PMFBP1: variants seen among roughly 807,000 people sequenced by gnomAD.
PMFBP1 encodes polyamine modulated factor 1 binding protein 1.
PMFBP1 carries 131 observed loss-of-function variants against 137.8 expected under a neutral mutation model. The observed-to-expected ratio is 0.95, with a 90% confidence interval of 0.82 to 1.10. PMFBP1 has a LOEUF of 1.10. Among genes scored for constraint, PMFBP1 ranks in the 50% least tolerant of loss-of-function variants. The pLI is 0.00. For missense variants in PMFBP1, 1,199 were observed against 1,175.4 expected, an observed-to-expected ratio of 1.02 and a Z score of -0.29; for synonymous variants, 490 against 450.4, an observed-to-expected ratio of 1.09 and a Z score of -1.11.
At chr16:72,197,260 T>C in the PMFBP1 span, among the ~76,000 whole-genome samples, 1 of 152,136 alleles carries the variant, frequency 6.6e-6, no homozygotes, top group African/African-American at 2.4e-5. Context: ...AAGCTTCTGA[T>C]AGAGAAAGCA....
rs546545088 is a variant in PMFBP1 at position 72,122,902 on chromosome 16, A to C, written c.2768+12T>G. The C allele has an allele frequency of 3.1e-6, 5 of 1,611,502 alleles. No individual in the cohort carries two copies. The highest frequency in any genetic ancestry group is 4.2e-6 in the Non-Finnish European group (5 of 1,178,834). On this transcript the variant is annotated intron_variant, in intron 19 of 20. Coordinates refer to ENST00000237353, the MANE Select transcript of PMFBP1 (RefSeq NM_031293.3). ...TCCCAGGAAGCAGCCAGGGTGGTTT[A>C]AGATGACTTACTCCTTTTCGCCACT...
chr16:72,156,074 C>T (rs908750262), intron 3 of PMFBP1, among the ~76,000 whole-genome samples: 1 of 152,152 alleles, frequency 6.6e-6, no homozygotes. Flanking sequence ...GCAACCTCCA[C>T]CTCCCCGGTT....
chr16:72,125,502 C>T (rs1457437147), intron 15 of PMFBP1, 97 bp from the exon 16 acceptor site: 1 of 1,366,036 alleles, frequency 7.3e-7, no homozygotes, highest in East Asian at 2.3e-5. Context: ...TTCCTGTCCT[C>T]TGCCCAGGGT....
chr16:72,220,274 C>T, the PMFBP1 span, among the ~76,000 whole-genome samples: 4 of 152,138 alleles, frequency 2.6e-5, no homozygotes, highest in African/African-American at 9.7e-5. Context: ...TGAGAATTAG[C>T]TTAGATGCCC....
intron 2 of PMFBP1, among the ~76,000 whole-genome samples, chr16:72,165,418 C>CTT (rs111960622): frequency 5.6e-5 from 8 of 143,882 alleles, no homozygotes; most frequent in Non-Finnish European, 1.2e-4. Flanking sequence ...TTCTTTCTTT[C>CTT]TTTTTTTTTT....
At chr16:72,249,353 C>T in the PMFBP1 span, among the ~76,000 whole-genome samples, 2 of 150,634 alleles carry the variant, frequency 1.3e-5, no homozygotes, top group African/African-American at 2.4e-5. Context: ...ACTATGGATC[C>T]ATTCCCCAAA....
chr16:72,132,994 GA>G lies in PMFBP1; in HGVS notation c.1204-4del, dbSNP rs1224939507. 1 of 1,613,770 alleles carries G rather than the reference GA, an allele frequency of 6.2e-7. No homozygotes were observed. The highest frequency in any genetic ancestry group is 8.5e-7 in the Non-Finnish European group (1 of 1,179,960). ...ATCTCATCTTTCTCTTGGAGGAACT[GA>G]AGACAGCAAAATGCAAATGCTGGGA... is the stretch of plus-strand genomic sequence containing the variant. On this transcript the variant is annotated splice_polypyrimidine_tract_variant and splice_region_variant and intron_variant, in intron 9 of 20. Coordinates refer to ENST00000237353, the MANE Select transcript of PMFBP1 (RefSeq NM_031293.3).
rs532263947 is a variant in PMFBP1, at chr16:72,158,709, T to C, written c.166-4250A>G. On this transcript the variant is annotated intron_variant, in intron 3 of 20. Coordinates refer to ENST00000237353, the MANE Select transcript of PMFBP1 (RefSeq NM_031293.3). ...TAGTATAAATCCAATAAAATTCTTA[T>C]CAGGCCAGGCATGGTGGCTCATCCC... Among the ~76,000 whole-genome samples, 3 of 152,270 alleles carry C rather than the reference T, an allele frequency of 2.0e-5. No individual in the cohort carries two copies. The East Asian group carries it at 5.8e-4, about 29-fold the overall frequency.
the PMFBP1 span, among the ~76,000 whole-genome samples, chr16:72,193,125 G>A: frequency 1.3e-5 from 2 of 152,022 alleles, no homozygotes; most frequent in Non-Finnish European, 2.9e-5. Flanking sequence ...GGTAGGTCGC[G>A]CCTGTAATCC....
intron 9 of PMFBP1, among the ~76,000 whole-genome samples, chr16:72,134,709 T>G: frequency 6.6e-6 from 1 of 152,318 alleles, no homozygotes; most frequent in East Asian, 1.9e-4. Context: ...GCACTTGCTA[T>G]TCCCTCTGCC....
chr16:72,150,291 T>G (rs1370650678), intron 5 of PMFBP1, among the ~76,000 whole-genome samples: 1 of 152,138 alleles, frequency 6.6e-6, no homozygotes, highest in Admixed American at 6.5e-5. Flanking sequence ...GGAGATGAGC[T>G]GTGATGCAAT....
chr16:72,152,573 G>A (rs1301010541), intron 4 of PMFBP1, among the ~76,000 whole-genome samples: 1 of 152,060 alleles, frequency 6.6e-6, no homozygotes, highest in Non-Finnish European at 1.5e-5. Context: ...GGCCTGGTAT[G>A]GTGACTCATG....
Position 72,136,610 on chromosome 16 carries a change from C to A in PMFBP1, c.1046-5G>T. 1 of 1,614,060 alleles carries A rather than the reference C, an allele frequency of 6.2e-7. No individual in the cohort carries two copies. The highest frequency in any genetic ancestry group is 8.5e-7 in the Non-Finnish European group (1 of 1,179,998). ...CCAGCTCCAGCTTCATCATGTCTAC[C>A]ATGGGGCGGGACAGAGTCTATGCTC... On this transcript the variant is annotated splice_polypyrimidine_tract_variant and splice_region_variant and intron_variant, in intron 8 of 20. Transcript: ENST00000237353.
chr16:72,119,355 C>T lies in PMFBP1; in HGVS notation c.3008-1G>A, dbSNP rs1470320442. 8.1e-6 allele frequency: 13 copies of T among 1,614,138 alleles called. No homozygotes were observed. The highest frequency in any genetic ancestry group is 1.0e-5 in the Non-Finnish European group (12 of 1,180,026). ...TGTGGATTCTAGCAGTATGAGGAAC[C>T]TGAGGGAACAGGGAGGAAATGAGAG... On this transcript the variant is annotated splice_acceptor_variant, in intron 20 of 20. Transcript: ENST00000237353. LOFTEE classifies it high-confidence loss of function.
chr16:72,119,926 C>T lies in PMFBP1; in HGVS notation c.2932G>A (p.Gly978Ser). 1 of 1,614,184 alleles carries T rather than the reference C, an allele frequency of 6.2e-7. No individual in the cohort carries two copies. Among genetic ancestry groups the T allele is most frequent in the Non-Finnish European group, 8.5e-7 (1 of 1,180,032 alleles). ...ATATCCTGGGGCAACCCCTTCCAGCCCAAGGTGCCGCACACTTTCTCCCTC... is the reference window on the plus strand; with the variant it reads ...ATATCCTGGGGCAACCCCTTCCAGCTCAAGGTGCCGCACACTTTCTCCCTC... ...TQREKVCGTL[G>S]WKGLPQDMGQ... is the part of the protein sequence containing the mutation. Residue 978 changes from glycine (G) to serine (S), a missense_variant, in exon 20 of 21, where the codon GGC (glycine) becomes AGC (serine). Physicochemically the swap from Gly to Ser is moderately conservative, Grantham distance 56. Coordinates refer to ENST00000237353, the MANE Select transcript of PMFBP1 (RefSeq NM_031293.3).
the PMFBP1 span, among the ~76,000 whole-genome samples, chr16:72,234,561 C>G: frequency 6.6e-6 from 1 of 152,174 alleles, no homozygotes; most frequent in Admixed American, 6.5e-5. Flanking sequence ...ACGTCCAACC[C>G]CACCCTCTTA....
chr16:72,198,002 T>G, the PMFBP1 span, among the ~76,000 whole-genome samples: 10 of 152,332 alleles, frequency 6.6e-5, no homozygotes, highest in African/African-American at 2.4e-4. Flanking sequence ...TGTTGGCAGA[T>G]GAATCATTCT....
At chr16:72,210,733 A>C in the PMFBP1 span, among the ~76,000 whole-genome samples, 1 of 152,338 alleles carries the variant, frequency 6.6e-6, no homozygotes, top group East Asian at 1.9e-4. Context: ...AACAGGGGCA[A>C]TTTCCCTCCC....
At chr16:72,144,635 A>C (rs568580685) in intron 5 of PMFBP1, among the ~76,000 whole-genome samples, 56 of 152,356 alleles carry the variant, frequency 3.7e-4, no homozygotes, top group Non-Finnish European at 7.1e-4. Flanking sequence ...AAAGATAAAA[A>C]CATAAAAATG....
Sources: gnomAD v4.1 joint callset for allele counts (sites outside exome capture counted in the v4.1 genomes callset) on GRCh38, gnomAD v4.1.1 for gene constraint, MANE v1.5 for transcripts, NCBI Gene and HGNC (gene_info 2026-07-23, HGNC 2026-07-21) for gene names.